Variants in CATSPERB observed in about 807,000 individuals in gnomAD.
CATSPERB encodes catsper channel auxiliary subunit beta.
In CATSPERB, 93 loss-of-function variants were observed where a neutral mutation model predicts 128.3. That is an observed-to-expected ratio of 0.72 (90% CI 0.61 to 0.86). The LOEUF (loss-of-function observed/expected upper bound fraction) is 0.86, where lower values mean the gene tolerates loss of function less well. Among genes scored for constraint, CATSPERB ranks in the 40% least tolerant of loss-of-function variants. CATSPERB has a pLI of 0.00. For synonymous variants in CATSPERB, 381 were observed against 448.8 expected (o/e 0.85, Z 1.91); for missense variants, 1,153 against 1,329.5 (o/e 0.87, Z 2.06).
At chr14:91,685,920 G>C (rs531235982) in intron 10 of CATSPERB, among the ~76,000 whole-genome samples, 1 of 152,312 alleles carries the variant, frequency 6.6e-6, no homozygotes, top group African/African-American at 2.4e-5. Context: ...TATCCTTAAA[G>C]AAGTGATCCA....
chr14:91,678,369 A>G (rs1481780437), intron 11 of CATSPERB, among the ~76,000 whole-genome samples: 1 of 152,240 alleles, frequency 6.6e-6, no homozygotes, highest in East Asian at 1.9e-4. Context: ...TGTCACAAAA[A>G]TAATTCAGAT....
chr14:91,635,645 A>G (rs1894360728), intron 17 of CATSPERB: 1 of 152,344 alleles, frequency 6.6e-6, no homozygotes, highest in African/African-American at 2.4e-5. Context: ...GGTGTGAGCC[A>G]TGGCACCCAG....
rs757707954 is a variant in CATSPERB, at chr14:91,693,262, A to G, written c.713-18T>C. 6.3e-7 allele frequency: 1 copy of G among 1,584,354 alleles called. No individual in the cohort carries two copies. Among genetic ancestry groups the G allele is most frequent in the Admixed American group, 1.7e-5 (1 of 58,918 alleles). On this transcript the variant is annotated intron_variant, in intron 8 of 26. Transcript: ENST00000256343. The stretch of plus-strand genomic sequence containing the variant: ...TTCATATTCTAAACGAAGAAATCAT[A>G]CCATGGATTAAAAAGTAAGAAAAAA...
chr14:91,591,248 T>C (rs748623826), intron 23 of CATSPERB, among the ~76,000 whole-genome samples: 1 of 151,854 alleles, frequency 6.6e-6, no homozygotes, highest in Admixed American at 6.6e-5. Context: ...AGAGATTGGG[T>C]TTCACCATAT....
chr14:91,588,018 G>A lies in CATSPERB; in HGVS notation c.3017C>T (p.Ala1006Val). ...MKQLVEPILG[A>V]AVYNPSGLNL... ...GAGACCTGAAGGATTATACACTGCA[G>A]CACCAAGAATTGGTTCTACTAATTG... The change falls in exon 25 of 27, where the codon GCT (alanine) becomes GTT (valine). Residue 1006 changes from alanine to valine, a missense_variant. Coordinates refer to ENST00000256343, the MANE Select transcript of CATSPERB (RefSeq NM_024764.4). 6.2e-6 allele frequency: 10 copies of A among 1,612,372 alleles called. No homozygotes were observed. Among genetic ancestry groups the A allele is most frequent in the Non-Finnish European group, 8.5e-6 (10 of 1,178,796 alleles).
In CATSPERB at chr14:91,729,423, T is replaced by C; in HGVS notation, c.57A>G (p.Ser19=). 1 of 1,512,726 alleles carries C rather than the reference T, an allele frequency of 6.6e-7. No homozygotes were observed. The highest frequency in any genetic ancestry group is 9.1e-7 in the Non-Finnish European group (1 of 1,097,398). The allele number at this position is 1,512,726 out of a possible 1,614,324, so 93.7% of individuals were successfully genotyped here. ...TACCTTTATTATATACTATTCCTGA[T>C]GAAAATTCAAATATGTTCAAAAGCA... ...SVLLLNIFEF[S]SGIVYNKDDT... The change falls in exon 2 of 27, where the codon TCA becomes TCG. Residue 19 remains serine (S), a synonymous_variant. Transcript: ENST00000256343.
intron 22 of CATSPERB, chr14:91,592,257 C>T (rs1566695630): frequency 2.2e-6 from 1 of 457,204 alleles, no homozygotes; most frequent in Non-Finnish European, 3.9e-6. Flanking sequence ...TGCATGGGAC[C>T]TAGAAAGCCT....
At chr14:91,706,017 C>G (rs1482600899) in intron 6 of CATSPERB, among the ~76,000 whole-genome samples, 1 of 152,056 alleles carries the variant, frequency 6.6e-6, no homozygotes, top group East Asian at 1.9e-4. Context: ...CAACTGCTGT[C>G]TGAATTTCAA....
In CATSPERB at chr14:91,588,054, T is replaced by C; in HGVS notation, c.2981A>G (p.Lys994Arg). The part of the protein sequence containing the change: ...KLKHTVPENI[K>R]RMKQLVEPIL... The stretch of plus-strand genomic sequence containing the variant: ...TGGTTCTACTAATTGTTTCATTCTT[T>C]TAATATTTTCTGGCACAGTGTGTTC... Residue 994 changes from lysine to arginine, a missense_variant, in exon 25 of 27, where the codon AAA (lysine) becomes AGA (arginine). Physicochemically the swap from Lys to Arg is conservative, Grantham distance 26. Transcript: ENST00000256343. The C allele has an allele frequency of 6.2e-7, 1 of 1,609,886 alleles. No individual in the cohort carries two copies. Among genetic ancestry groups the C allele is most frequent in the East Asian group, 2.2e-5 (1 of 44,772 alleles).
chr14:91,631,890 T>C (rs1178282527), intron 17 of CATSPERB, among the ~76,000 whole-genome samples: 1 of 152,042 alleles, frequency 6.6e-6, no homozygotes, highest in African/African-American at 2.4e-5. Context: ...ACTTTAGACT[T>C]TTTAAGTTAA....
chr14:91,704,529 AT>A (rs774471125), intron 7 of CATSPERB, 22 bp downstream of exon 7: 19 of 1,580,028 alleles, frequency 1.2e-5, no homozygotes, highest in Non-Finnish European at 1.6e-5. Flanking sequence ...CAATGTCAAC[AT>A]TTAATGAAGC....
Position 91,691,527 on chromosome 14 carries a change from TCAAAACCA to T in CATSPERB, c.852_859del (p.Cys284Ter), listed in dbSNP as rs1310061744. 1 of 1,603,842 alleles carries T rather than the reference TCAAAACCA, an allele frequency of 6.2e-7. No homozygotes were observed. The highest frequency in any genetic ancestry group is 1.7e-5 in the Admixed American group (1 of 59,146). Reference sequence around the variant, plus strand: ...GGGAAATATAAAGCTTCTTACCCTTTCAAAACCACAAAAGTCTGCCCTGGAAAACTAGA... The same window carrying T: ...GGGAAATATAAAGCTTCTTACCCTTTCAAAAGTCTGCCCTGGAAAACTAGA... On this transcript the variant is annotated stop_gained and frameshift_variant, in exon 10 of 27. Coordinates refer to ENST00000256343, the MANE Select transcript of CATSPERB (RefSeq NM_024764.4). LOFTEE classifies it high-confidence loss of function.
chr14:91,714,118 G>A (rs764157887), intron 5 of CATSPERB, among the ~76,000 whole-genome samples: 5 of 151,642 alleles, frequency 3.3e-5, no homozygotes, highest in South Asian at 2.1e-4. Context: ...ATAAAAACTC[G>A]GCAAACTTGT....
At chr14:91,684,214 T>C (rs1198805634) in intron 10 of CATSPERB, among the ~76,000 whole-genome samples, 1 of 152,238 alleles carries the variant, frequency 6.6e-6, no homozygotes, top group Non-Finnish European at 1.5e-5. Context: ...ATGAACTGTC[T>C]TTCAGAAGCT....
At chr14:91,662,189 A>G (rs1894898330) in intron 14 of CATSPERB, among the ~76,000 whole-genome samples, 1 of 151,952 alleles carries the variant, frequency 6.6e-6, no homozygotes, top group Non-Finnish European at 1.5e-5. Flanking sequence ...CATATCCAAT[A>G]TCCTGAATTT....
At chr14:91,719,844 T>C (rs1303599769) in intron 4 of CATSPERB, among the ~76,000 whole-genome samples, 1 of 152,264 alleles carries the variant, frequency 6.6e-6, no homozygotes, top group East Asian at 1.9e-4. Flanking sequence ...GCATTTGGGA[T>C]ATTAAGAGGA....
Position 91,669,813 on chromosome 14 carries a change from C to T in CATSPERB, c.1287+1G>A, listed in dbSNP as rs1274117847. 4 of 1,610,610 alleles carry T rather than the reference C, an allele frequency of 2.5e-6. No homozygotes were observed. Among genetic ancestry groups the T allele is most frequent in the Admixed American group, 3.4e-5 (2 of 59,258 alleles). On this transcript the variant is annotated splice_donor_variant, in intron 14 of 26. Transcript: ENST00000256343. LOFTEE classifies it high-confidence loss of function. ...CAGACTGAAGTTCCATGTGTACGCA[C>T]CTGATTGCCATAAGCATACAAAAAG...
intron 1 of CATSPERB, among the ~76,000 whole-genome samples, chr14:91,730,384 C>T (rs1896192109): frequency 6.6e-6 from 1 of 152,116 alleles, no homozygotes; most frequent in South Asian, 2.1e-4. Context: ...TCCTCATGGC[C>T]CTCAGAAGGA....
chr14:91,599,990 C>T (rs749091921), intron 22 of CATSPERB, among the ~76,000 whole-genome samples: 8 of 152,344 alleles, frequency 5.3e-5, no homozygotes, highest in Non-Finnish European at 8.8e-5. Context: ...TTTGACACCA[C>T]TGAATGGATA....
Sources: allele counts gnomAD v4.1 joint callset (sites outside exome capture counted in the v4.1 genomes callset), GRCh38; gene constraint gnomAD v4.1.1; transcripts MANE v1.5; gene names NCBI Gene and HGNC (gene_info 2026-07-23, HGNC 2026-07-21).